The following GFOD1 variants were observed in gnomAD, a reference collection of about 807,000 sequenced individuals.
The protein encoded by GFOD1 is glucose-fructose oxidoreductase domain-containing protein 1.
In GFOD1, 9 loss-of-function variants were observed where a neutral mutation model predicts 25.4. The observed-to-expected ratio is 0.35, with a 90% CI of 0.21 to 0.62. The LOEUF is 0.62. Ranked by LOEUF, GFOD1 falls within the 20% of genes least tolerant of loss-of-function variation. The probability of loss-of-function intolerance (pLI) is 0.72; values close to 1 mark genes in which losing one functional copy is unlikely to be tolerated. For synonymous variants in GFOD1, 253 were observed against 245.6 expected (o/e 1.03, Z -0.28); for missense variants, 403 against 556.9 (o/e 0.72, Z 2.78).
chr6:13,470,474 C>G (rs1758475884), intron 1 of GFOD1: 1 of 1,550,028 alleles, frequency 6.5e-7, no homozygotes, highest in Admixed American at 2.0e-5. Flanking sequence ...GAAACCTGTC[C>G]CCTGGGACTC....
chr6:13,371,712 G>T (rs9474036), intron 1 of GFOD1, among the ~76,000 whole-genome samples: 1 of 152,084 alleles, frequency 6.6e-6, no homozygotes, highest in Non-Finnish European at 1.5e-5. Flanking sequence ...AAAGTCCCCT[G>T]GTGCTCTCAA....
chr6:13,479,632 T>C (rs996762699), intron 1 of GFOD1, among the ~76,000 whole-genome samples: 5 of 152,224 alleles, frequency 3.3e-5, no homozygotes, highest in African/African-American at 1.2e-4. Flanking sequence ...ATGTCCAACT[T>C]CTTCATTTAG....
intron 1 of GFOD1, among the ~76,000 whole-genome samples, chr6:13,458,625 A>G: frequency 6.6e-6 from 1 of 151,916 alleles, no homozygotes; most frequent in East Asian, 1.9e-4. Context: ...CTCTTCTACA[A>G]AATGGTACTA....
rs568868228 is a variant in GFOD1 at position 13,392,516 on chromosome 6, T to C, written c.254-26854A>G. Among the ~76,000 whole-genome samples the C allele has an allele frequency of 2.3e-3, 356 of 152,198 alleles. 3 individuals are homozygous for C. Among genetic ancestry groups the C allele is most frequent in the Non-Finnish European group, 3.6e-3 (243 of 67,986 alleles). On this transcript the variant is annotated intron_variant, in intron 1 of 1. Coordinates refer to ENST00000379287, the MANE Select transcript of GFOD1 (RefSeq NM_018988.4). ...TTGGCAGTATTGAAAAGAGTTTTGG[T>C]ATTTCAAATATTTCAGCAAGTTTTT...
intron 1 of GFOD1, among the ~76,000 whole-genome samples, chr6:13,411,707 G>A (rs892910475): frequency 1.3e-5 from 2 of 152,202 alleles, no homozygotes; most frequent in Non-Finnish European, 2.9e-5. Context: ...ATGAAGGCCT[G>A]CCATCCAGTC....
At chr6:13,453,686 G>C (rs565649930) in intron 1 of GFOD1, among the ~76,000 whole-genome samples, 3 of 152,344 alleles carry the variant, frequency 2.0e-5, no homozygotes, top group East Asian at 1.9e-4. Flanking sequence ...TACAATATGC[G>C]AAGTATTCTT....
intron 1 of GFOD1, among the ~76,000 whole-genome samples, chr6:13,406,182 C>A (rs987950273): frequency 1.3e-5 from 2 of 152,228 alleles, no homozygotes; most frequent in South Asian, 4.1e-4. Flanking sequence ...AAAGTACAGA[C>A]ATCTGGCCCC....
At chr6:13,484,054 G>A (rs58054832) in intron 1 of GFOD1, among the ~76,000 whole-genome samples, 14,797 of 152,120 alleles carry the variant, frequency 0.097, 847 homozygotes, top group East Asian at 0.16. Context: ...ACAAAGGTAG[G>A]GATTTTGAGG....
chr6:13,386,576 C>T (rs955538015), intron 1 of GFOD1, among the ~76,000 whole-genome samples: 1 of 152,194 alleles, frequency 6.6e-6, no homozygotes, highest in East Asian at 1.9e-4. Context: ...TGAACACCAG[C>T]TGCCCACAAA....
At chr6:13,434,133 C>T (rs553249374) in intron 1 of GFOD1, among the ~76,000 whole-genome samples, 24 of 149,450 alleles carry the variant, frequency 1.6e-4, no homozygotes, top group African/African-American at 4.7e-4. Context: ...AGAAGTCAGG[C>T]GCAAGGCATT....
chr6:13,454,376 T>C (rs990893789), intron 1 of GFOD1, among the ~76,000 whole-genome samples: 1 of 152,206 alleles, frequency 6.6e-6, no homozygotes, highest in Non-Finnish European at 1.5e-5. Flanking sequence ...CTAAAAGACA[T>C]TAGCTAGAAT....
At chr6:13,447,672 T>C (rs1017532117) in intron 1 of GFOD1, among the ~76,000 whole-genome samples, 4 of 118,156 alleles carry the variant, frequency 3.4e-5, no homozygotes, top group Non-Finnish European at 4.8e-5. Context: ...ACCCGGGAGG[T>C]AGAGGTTGCA....
chr6:13,449,247 T>C (rs1404546371), intron 1 of GFOD1, among the ~76,000 whole-genome samples: 1 of 152,162 alleles, frequency 6.6e-6, no homozygotes, highest in Non-Finnish European at 1.5e-5. Flanking sequence ...GCTATGACTG[T>C]GCCAGTGTAG....
intron 1 of GFOD1, among the ~76,000 whole-genome samples, chr6:13,484,003 A>G (rs778154472): frequency 6.6e-6 from 1 of 152,202 alleles, no homozygotes; most frequent in Non-Finnish European, 1.5e-5. Context: ...TAGAAAGTAC[A>G]CTTGGTAGAA....
intron 1 of GFOD1, among the ~76,000 whole-genome samples, chr6:13,438,744 A>G (rs1757870221): frequency 6.6e-6 from 1 of 152,198 alleles, no homozygotes; most frequent in Non-Finnish European, 1.5e-5. Flanking sequence ...CTAGGATTCA[A>G]CCCAAACCTT....
intron 1 of GFOD1, among the ~76,000 whole-genome samples, chr6:13,469,111 T>A (rs1479337077): frequency 6.6e-6 from 1 of 152,080 alleles, no homozygotes; most frequent in African/African-American, 2.4e-5. Context: ...CAGAACTCAG[T>A]TATGTAGGAG....
rs151027780 is a variant in GFOD1 at position 13,465,318 on chromosome 6, C to T, written c.253+21320G>A. Among the ~76,000 whole-genome samples the T allele has an allele frequency of 4.2e-3, 646 of 152,234 alleles. 3 individuals carry two copies. The highest frequency in any genetic ancestry group is 0.015 in the African/African-American group (628 of 41,540). On this transcript the variant is annotated intron_variant, in intron 1 of 1. Transcript: ENST00000379287. ...GCTATCCTGGGCCACATGCATCCCA[C>T]AGGCAGGGGTTGGACAAGCTTGATC...
At chr6:13,408,985 T>C (rs949179220) in intron 1 of GFOD1, among the ~76,000 whole-genome samples, 5 of 151,554 alleles carry the variant, frequency 3.3e-5, no homozygotes, top group African/African-American at 1.2e-4. Context: ...CTTGCAAGGC[T>C]GAGGCAGGAC....
At chr6:13,480,854 C>A (rs887001000) in intron 1 of GFOD1, among the ~76,000 whole-genome samples, 1 of 152,242 alleles carries the variant, frequency 6.6e-6, no homozygotes, top group African/African-American at 2.4e-5. Flanking sequence ...AGGCATTCAG[C>A]TACTGCATGC....
Sources: allele counts gnomAD v4.1 joint callset (sites outside exome capture counted in the v4.1 genomes callset), GRCh38; gene constraint gnomAD v4.1.1; transcripts MANE v1.5; gene names NCBI Gene and HGNC (gene_info 2026-07-23, HGNC 2026-07-21).